CCDC33: variants seen among roughly 807,000 people sequenced by gnomAD.
CCDC33 encodes coiled-coil domain containing 33.
CCDC33 carries 94 observed loss-of-function variants against 91.9 expected under a neutral mutation model. The observed-to-expected ratio is 1.02, with a 90% CI of 0.87 to 1.21. The LOEUF (loss-of-function observed/expected upper bound fraction) is 1.21, where lower values mean the gene tolerates loss of function less well. Among genes scored for constraint, CCDC33 ranks in the 50% most tolerant of loss-of-function variants. CCDC33 has a pLI of 0.00. For missense variants in CCDC33, 940 were observed against 935.5 expected, an observed-to-expected ratio of 1.00 and a Z score of -0.06; for synonymous variants, 396 against 374.5, an observed-to-expected ratio of 1.06 and a Z score of -0.66.
At chr15:74,327,736 G>A (rs1416903202) in intron 11 of CCDC33, among the ~76,000 whole-genome samples, 1 of 152,210 alleles carries the variant, frequency 6.6e-6, no homozygotes, top group Non-Finnish European at 1.5e-5. Flanking sequence ...TGAGAAGAGG[G>A]GGTGATCAGA....
At position 74,218,842 on chromosome 15, in the gene CCDC33, C is replaced by T. The variant is rs1432146764; in HGVS notation, c.656C>T (p.Pro219Leu). The T allele has an allele frequency of 8.0e-7, 1 of 1,246,430 alleles. No homozygotes were observed. Among genetic ancestry groups the T allele is most frequent in the East Asian group, 5.7e-5 (1 of 17,592 alleles). 77.2% of individuals were successfully genotyped at this position (1,246,430 alleles called of 1,614,324 possible). A position where few individuals can be genotyped will look rare whatever the true frequency, so the allele number is the denominator to read the frequency against. ...GAACTGATGTCACCATGCCCAGAGC[C>T]CCAGCTCCCCATACTGCAGGTGGGT... The change falls in exon 2 of 3, where the codon CCC (proline) becomes CTC (leucine). Residue 219 changes from proline to leucine, a missense_variant. Physicochemically the swap from Pro to Leu is moderately conservative, Grantham distance 98. Transcript: ENST00000635913. The surrounding 1 kb of genome is among the most constrained non-coding windows in gnomAD (Gnocchi z 4.8).
chr15:74,205,568 G>C (rs1216871768), intron 1 of CCDC33, among the ~76,000 whole-genome samples: 2 of 152,300 alleles, frequency 1.3e-5, no homozygotes, highest in Middle Eastern at 3.4e-3. Flanking sequence ...CACACACCAG[G>C]CCTCACTTCC....
chr15:74,327,405 C>T (rs990069010), intron 11 of CCDC33, among the ~76,000 whole-genome samples: 3 of 152,114 alleles, frequency 2.0e-5, no homozygotes, highest in Non-Finnish European at 4.4e-5. Context: ...GAGGCTGAGG[C>T]GGGCAGATTA....
At chr15:74,274,431 C>T (rs1446813229) in intron 7 of CCDC33, among the ~76,000 whole-genome samples, 2 of 152,182 alleles carry the variant, frequency 1.3e-5, no homozygotes, top group Non-Finnish European at 1.5e-5. Flanking sequence ...ATTGTCTGCC[C>T]ACCAGTGCTT....
chr15:74,223,776 A>ATG (rs58657390), intron 2 of CCDC33, among the ~76,000 whole-genome samples: 2 of 59,326 alleles, frequency 3.4e-5, no homozygotes, highest in African/African-American at 1.4e-4. Flanking sequence ...GCAAGCATGC[A>ATG]CACACACACA....
At chr15:74,322,065 T>C (rs950293440) in intron 11 of CCDC33, among the ~76,000 whole-genome samples, 1 of 152,116 alleles carries the variant, frequency 6.6e-6, no homozygotes, top group Non-Finnish European at 1.5e-5. Context: ...CTAGCTGTGC[T>C]GAAAGAGGTG....
At chr15:74,293,522 T>C (rs2059623058) in intron 10 of CCDC33, among the ~76,000 whole-genome samples, 1 of 152,200 alleles carries the variant, frequency 6.6e-6, no homozygotes, top group South Asian at 2.1e-4. Context: ...TGTGGTACTT[T>C]TTCCTATCTA....
intron 2 of CCDC33, among the ~76,000 whole-genome samples, chr15:74,226,215 A>G (rs1393725635): frequency 1.3e-5 from 2 of 152,148 alleles, no homozygotes; most frequent in Non-Finnish European, 2.9e-5. Context: ...GGTGGGCATG[A>G]GCTGGGTGGT....
chr15:74,216,133 T>TA (rs1419671303), upstream of CCDC33, among the ~76,000 whole-genome samples: 6 of 152,184 alleles, frequency 3.9e-5, no homozygotes, highest in African/African-American at 1.4e-4. Context: ...GAGCTGCTAT[T>TA]ACTGAGTCAC....
At chr15:74,294,746 CAA>C (rs57792647) in intron 10 of CCDC33, among the ~76,000 whole-genome samples, 8 of 127,386 alleles carry the variant, frequency 6.3e-5, no homozygotes, top group Non-Finnish European at 9.4e-5. Flanking sequence ...GACTCTGTCT[CAA>C]AAAAAAAAAA....
intron 10 of CCDC33, among the ~76,000 whole-genome samples, chr15:74,289,704 T>A (rs1005283412): frequency 2.6e-5 from 4 of 152,102 alleles, no homozygotes; most frequent in Non-Finnish European, 5.9e-5. Context: ...GGAGGATTGC[T>A]TGAACTTGGG....
chr15:74,214,858 T>G (rs1445395854), upstream of CCDC33, among the ~76,000 whole-genome samples: 1 of 152,272 alleles, frequency 6.6e-6, no homozygotes, highest in East Asian at 1.9e-4. Flanking sequence ...CCTTTCTGCA[T>G]AAGTAGAAGC....
At chr15:74,276,862 G>T (rs569892762) in intron 7 of CCDC33, among the ~76,000 whole-genome samples, 35 of 152,322 alleles carry the variant, frequency 2.3e-4, no homozygotes, top group African/African-American at 8.4e-4. Flanking sequence ...CCTCCCTGAG[G>T]AATGGGGTCA....
intron 2 of CCDC33, among the ~76,000 whole-genome samples, chr15:74,227,921 G>A (rs942497031): frequency 4.6e-5 from 7 of 152,032 alleles, no homozygotes; most frequent in African/African-American, 1.4e-4. Flanking sequence ...AGGAGAGGGG[G>A]TTCCAAAGAC....
chr15:74,217,248 CT>C (rs1266693565), exon 1 of CCDC33: 1 of 1,246,362 alleles, frequency 8.0e-7, no homozygotes, highest in African/African-American at 1.5e-5. Flanking sequence ...AGTGCTCAGC[CT>C]GGCAGTTGGT....
At chr15:74,335,362 G>T in intron 18 of CCDC33, 1 of 597,004 alleles carries the variant, frequency 1.7e-6, no homozygotes. Flanking sequence ...GTGGATGAGG[G>T]GTCCATGCAG....
At chr15:74,238,783 C>T (rs979797060) in intron 1 of CCDC33, among the ~76,000 whole-genome samples, 15 of 152,138 alleles carry the variant, frequency 9.9e-5, no homozygotes, top group Non-Finnish European at 1.8e-4. Flanking sequence ...GGGGGGCATC[C>T]ACTGTGGAGC....
chr15:74,257,587 G>C lies in CCDC33; in HGVS notation c.186-4853G>C, dbSNP rs187844524. The stretch of plus-strand genomic sequence containing the variant: ...CAAAAAGGGGCCTTGAGAGGGACTC[G>C]GGGGAGAACCACAGCCTCCCTCTCC... On this transcript the variant is annotated intron_variant, in intron 2 of 18. Coordinates refer to ENST00000398814, the MANE Select transcript of CCDC33 (RefSeq NM_025055.5). 9.8e-5 allele frequency among the ~76,000 whole-genome samples: 15 copies of C among 152,292 alleles called. No homozygotes were observed. In the East Asian group the frequency reaches 2.7e-3, roughly 27 times the overall value.
At chr15:74,328,551 C>T (rs890894849) in intron 11 of CCDC33, among the ~76,000 whole-genome samples, 4 of 152,158 alleles carry the variant, frequency 2.6e-5, no homozygotes, top group Non-Finnish European at 5.9e-5. Flanking sequence ...CAATGCTGTC[C>T]GAGGACACCA....
Sources: gnomAD v4.1 joint callset for allele counts (sites outside exome capture counted in the v4.1 genomes callset) on GRCh38, gnomAD v4.1.1 for gene constraint, Gnocchi (gnomAD v3.1) non-coding constraint, MANE v1.5 for transcripts, NCBI Gene and HGNC (gene_info 2026-07-23, HGNC 2026-07-21) for gene names.